Variants in TBP observed in about 807,000 individuals in gnomAD.
TBP encodes the protein TATA-box-binding protein.
In TBP, 12 loss-of-function variants were observed where a neutral mutation model predicts 46.2. That is an observed-to-expected ratio of 0.26 (90% CI 0.17 to 0.42). TBP has a LOEUF of 0.42. TBP is among the 10% of genes least tolerant of loss of function. TBP has a pLI of 1.00. For missense variants in TBP, 229 were observed against 403.1 expected (o/e 0.57, Z 3.70); for synonymous variants, 157 against 148.3 (o/e 1.06, Z -0.42).
chr6:170,570,044 T>G (rs1233578460), intron 6 of TBP, among the ~76,000 whole-genome samples: 1 of 151,954 alleles, frequency 6.6e-6, no homozygotes, highest in Non-Finnish European at 1.5e-5. Flanking sequence ...TTTATCGTTT[T>G]ATTGCTGAAT....
intron 1 of TBP, among the ~76,000 whole-genome samples, chr6:170,555,149 G>A (rs1241939159): frequency 6.6e-6 from 1 of 152,170 alleles, no homozygotes; most frequent in East Asian, 1.9e-4. Flanking sequence ...GGATAAATTA[G>A]TGCAGTAATC....
At chr6:170,569,204 G>A (rs765750116) in intron 5 of TBP, among the ~76,000 whole-genome samples, 7 of 152,064 alleles carry the variant, frequency 4.6e-5, no homozygotes, top group Non-Finnish European at 8.8e-5. Context: ...GATGAGTCTT[G>A]GTATAAAAGA....
At chr6:170,557,153 A>C in intron 2 of TBP, 70 bp downstream of exon 2, 1 of 1,394,524 alleles carries the variant, frequency 7.2e-7, no homozygotes, top group Non-Finnish European at 1.0e-6. Context: ...TCAAAAGGCA[A>C]GGAAGGGCAT....
intron 1 of TBP, among the ~76,000 whole-genome samples, chr6:170,555,387 A>C (rs2114987570): frequency 6.6e-6 from 1 of 152,340 alleles, no homozygotes; most frequent in Admixed American, 6.5e-5. Flanking sequence ...CCGAAATTCC[A>C]TAACTGTTAT....
intron 6 of TBP, 89 bp downstream of exon 6, chr6:170,569,868 A>T: frequency 8.1e-7 from 1 of 1,228,064 alleles, no homozygotes. Flanking sequence ...CAAAATATTC[A>T]GTATATGAGA....
chr6:170,564,283 C>T (rs938838242), intron 3 of TBP, among the ~76,000 whole-genome samples: 22 of 152,210 alleles, frequency 1.4e-4, no homozygotes, highest in African/African-American at 5.1e-4. Context: ...GAGCAAGTTG[C>T]ACTCTACCTT....
intron 3 of TBP, among the ~76,000 whole-genome samples, chr6:170,563,812 A>ATG (rs1779193936): frequency 6.6e-6 from 1 of 152,226 alleles, no homozygotes; most frequent in South Asian, 2.1e-4. Flanking sequence ...AACTATATAT[A>ATG]CTTTCATAAG....
At chr6:170,571,122 C>T (rs955800343) in intron 6 of TBP, among the ~76,000 whole-genome samples, 5 of 152,150 alleles carry the variant, frequency 3.3e-5, no homozygotes, top group African/African-American at 7.2e-5. Flanking sequence ...AGACTGCAGA[C>T]ATAACTACAG....
At chr6:170,569,865 T>G in intron 6 of TBP, 86 bp downstream of exon 6, 1 of 1,280,800 alleles carries the variant, frequency 7.8e-7, no homozygotes, top group East Asian at 2.4e-5. Context: ...ATGCAAAATA[T>G]TCAGTATATG....
Position 170,569,754 on chromosome 6 carries a change from G to C in TBP, c.820G>C (p.Val274Leu). 6.2e-7 allele frequency: 1 copy of C among 1,613,602 alleles called. No homozygotes were observed. The highest frequency in any genetic ancestry group is 8.5e-7 in the Non-Finnish European group (1 of 1,179,894). Residue 274 changes from valine to leucine, a missense_variant, in exon 6 of 8, where the codon GTG (valine) becomes CTG (leucine). This residue lies in a region of TBP where 67 missense variants were observed against 188.2 expected (regional missense o/e 0.36). Transcript: ENST00000392092. ...VKFPIRLEGL[V>L]LTHQQFSSYE... ...GTTTCCTATAAGGTTAGAAGGCCTT[G>C]TGCTCACCCACCAACAATTTAGTAG... is the stretch of plus-strand genomic sequence containing the variant.
chr6:170,556,934 G>T lies in TBP; in HGVS notation c.-96G>T. The T allele has an allele frequency of 8.8e-7, 1 of 1,133,284 alleles. No individual in the cohort carries two copies. Among genetic ancestry groups the T allele is most frequent in the South Asian group, 1.3e-5 (1 of 76,868 alleles). The allele number at this position is 1,133,284 out of a possible 1,614,324, so 70.2% of individuals were successfully genotyped here. ...AACCCAAGGAATTGAGGAAGTTGCT[G>T]AGAAGAGTGTGCTGGAGATGCTCTA... On this transcript the variant is annotated 5_prime_UTR_variant, in exon 2 of 8. Transcript: ENST00000392092.
At chr6:170,567,690 T>C (rs541190587) in intron 5 of TBP, among the ~76,000 whole-genome samples, 16 of 152,308 alleles carry the variant, frequency 1.1e-4, no homozygotes, top group African/African-American at 3.6e-4. Context: ...ATCACATGTG[T>C]TGGCTGCAGA....
chr6:170,564,878 C>T lies in TBP; in HGVS notation c.585+246C>T, dbSNP rs571202670. On this transcript the variant is annotated intron_variant, in intron 4 of 7. Transcript: ENST00000392092. The stretch of plus-strand genomic sequence containing the variant: ...TCTTAAAAAAAAAAAAAAAATTGGC[C>T]GGGCTTGGTGGCTCACACGTGTAAT... 2.8e-4 allele frequency among the ~76,000 whole-genome samples: 42 copies of T among 151,732 alleles called. 1 individual carries two copies. Among genetic ancestry groups the T allele is most frequent in the Admixed American group, 1.6e-3 (25 of 15,226 alleles).
intron 2 of TBP, among the ~76,000 whole-genome samples, chr6:170,561,481 ATTATAG>A (rs1035719803): frequency 3.3e-5 from 5 of 152,022 alleles, no homozygotes; most frequent in African/African-American, 1.2e-4. Flanking sequence ...AGATGTATGT[ATTATAG>A]TTATTTTTTT....
chr6:170,567,432 CT>C (rs1779284638), intron 5 of TBP: 1 of 152,864 alleles, frequency 6.5e-6, no homozygotes, highest in African/African-American at 2.4e-5. Context: ...TTGCAGTGAG[CT>C]GAGATCATGC....
chr6:170,566,367 TG>T (rs1562361374), intron 4 of TBP, among the ~76,000 whole-genome samples: 2 of 151,166 alleles, frequency 1.3e-5, no homozygotes, highest in South Asian at 4.1e-4. Flanking sequence ...GTTAAAACTG[TG>T]TTTTTTTCCT....
At chr6:170,556,205 T>A (rs775877237) in intron 1 of TBP, among the ~76,000 whole-genome samples, 2 of 152,240 alleles carry the variant, frequency 1.3e-5, no homozygotes, top group Admixed American at 6.5e-5. Flanking sequence ...CTCTAAGTTC[T>A]ATGTGAGAAT....
In TBP at chr6:170,569,771, A is replaced by G. The variant is rs1378440184; in HGVS notation, c.837A>G (p.Gln279=). ...RLEGLVLTHQ[Q]FSSYEPELFP... ...AAGGCCTTGTGCTCACCCACCAACA[A>G]TTTAGTAGGTAAGTCTGAAATGTAT... The change falls in exon 6 of 8, where the codon CAA becomes CAG. Residue 279 remains glutamine (Q), a synonymous_variant. Transcript: ENST00000392092. The G allele has an allele frequency of 1.2e-6, 2 of 1,612,004 alleles. No individual in the cohort carries two copies. Among genetic ancestry groups the G allele is most frequent in the Admixed American group, 3.4e-5 (2 of 59,576 alleles).
intron 2 of TBP, 78 bp downstream of exon 2, chr6:170,557,161 C>A: frequency 7.5e-7 from 1 of 1,326,084 alleles, no homozygotes; most frequent in Non-Finnish European, 1.1e-6. Flanking sequence ...CAAGGAAGGG[C>A]ATTTAATGAT....
Sources: allele counts gnomAD v4.1 joint callset (sites outside exome capture counted in the v4.1 genomes callset), GRCh38; gene constraint gnomAD v4.1.1; regional missense constraint gnomAD v4.1.1; transcripts MANE v1.5; gene names NCBI Gene and HGNC (gene_info 2026-07-23, HGNC 2026-07-21).